The following DCTN1 variants were observed in gnomAD, a reference collection of about 807,000 sequenced individuals.
DCTN1 encodes the protein 150 kDa dynein-associated polypeptide.
A neutral mutation model predicts 161.2 loss-of-function variants in DCTN1; 61 were observed. The ratio of observed to expected loss-of-function variants is 0.38; its 90% CI spans 0.31 to 0.47. DCTN1 has a LOEUF of 0.47. DCTN1 is among the 20% of genes least tolerant of loss of function. The pLI is 0.99. For synonymous variants in DCTN1, 653 were observed against 632.4 expected (o/e 1.03, Z -0.49); for missense variants, 1,404 against 1,623.7 (o/e 0.86, Z 2.33).
chr2:74,363,512 TC>T, intron 27 of DCTN1, 85 bp from the exon 28 acceptor site: 4 of 1,596,764 alleles, frequency 2.5e-6, no homozygotes, highest in East Asian at 2.2e-5. Context: ...CCTTTCCTCA[TC>T]CCCCCATCAC....
At chr2:74,391,753 G>A (rs1213894406) in intron 1 of DCTN1, 1 of 452,788 alleles carries the variant, frequency 2.2e-6, no homozygotes, top group Non-Finnish European at 4.4e-6. Flanking sequence ...ACACGTAGGG[G>A]GCCGGCGGAG....
Position 74,361,644 on chromosome 2 carries a change from T to C in DCTN1, c.3700-8A>G. On this transcript the variant is annotated splice_polypyrimidine_tract_variant and splice_region_variant and intron_variant, in intron 31 of 31. Transcript: ENST00000628224. ...CTGCTGCTCCTCCTTGGCCTGGTGGTTGATGAGGAGAAAAAGACTCCAGGT... is the reference window on the plus strand; with the variant it reads ...CTGCTGCTCCTCCTTGGCCTGGTGGCTGATGAGGAGAAAAAGACTCCAGGT... 1.2e-6 allele frequency: 2 copies of C among 1,614,004 alleles called. No individual in the cohort carries two copies. The highest frequency in any genetic ancestry group is 1.7e-6 in the Non-Finnish European group (2 of 1,179,992).
At chr2:74,362,207 G>C in intron 30 of DCTN1, 66 bp from the exon 31 acceptor site, 1 of 1,473,084 alleles carries the variant, frequency 6.8e-7, no homozygotes. Flanking sequence ...ACAAGACCAC[G>C]TGGTTTCACA....
At position 74,367,733 on chromosome 2, in the gene DCTN1, T is replaced by G. The variant is rs767075039; in HGVS notation, c.2147A>C (p.Asn716Thr). 6.2e-6 allele frequency: 10 copies of G among 1,614,188 alleles called. No homozygotes were observed. The highest frequency in any genetic ancestry group is 7.6e-6 in the Non-Finnish European group (9 of 1,180,042). The change falls in exon 18 of 32, where the codon AAT becomes ACT. Residue 716 changes from asparagine to threonine, a missense_variant. Physicochemically the swap from Asn to Thr is moderately conservative, Grantham distance 65 (BLOSUM62 0). Coordinates refer to ENST00000628224, the MANE Select transcript of DCTN1 (RefSeq NM_004082.5). ...LHKDQLDETV[N>T]VEPLTKAIKY... The stretch of plus-strand genomic sequence containing the variant: ...GATGGCCTTGGTGAGAGGCTCCACA[T>G]TGACAGTCTCATCCAGCTGATCCTT...
At chr2:74,378,729 T>C (rs2103727274) in intron 1 of DCTN1, among the ~76,000 whole-genome samples, 1 of 152,296 alleles carries the variant, frequency 6.6e-6, no homozygotes, top group South Asian at 2.1e-4. Context: ...CCTCTGTGTT[T>C]CAAATGGTTT....
intron 6 of DCTN1, among the ~76,000 whole-genome samples, chr2:74,373,997 C>T (rs1675059851): frequency 6.6e-6 from 1 of 152,226 alleles, no homozygotes; most frequent in South Asian, 2.1e-4. Flanking sequence ...CACTGAGATA[C>T]CTGGGCCTGC....
At chr2:74,363,238 T>C in intron 28 of DCTN1, 56 bp downstream of exon 28, 1 of 1,614,064 alleles carries the variant, frequency 6.2e-7, no homozygotes, top group Non-Finnish European at 8.5e-7. Context: ...TCATCTATCA[T>C]CAATGGGGCA....
At chr2:74,365,054 T>A (rs1674299102) in intron 26 of DCTN1, 21 bp downstream of exon 26, 1 of 1,612,726 alleles carries the variant, frequency 6.2e-7, no homozygotes, top group African/African-American at 1.3e-5. Flanking sequence ...GTGCTAGTGC[T>A]GCCTATTCCA....
chr2:74,365,334 G>A, intron 25 of DCTN1, 93 bp from the exon 26 acceptor site: 1 of 1,572,324 alleles, frequency 6.4e-7, no homozygotes, highest in South Asian at 1.1e-5. Flanking sequence ...AGCCCTGCCA[G>A]TGAGAAGCCA....
intron 6 of DCTN1, 88 bp from the exon 7 acceptor site, chr2:74,373,036 G>C: frequency 7.9e-7 from 1 of 1,266,434 alleles, no homozygotes. Flanking sequence ...ACAGCAATGA[G>C]AGCAGAAGAA....
chr2:74,363,547 C>T (rs1674180530), intron 27 of DCTN1, 67 bp downstream of exon 27: 3 of 1,602,466 alleles, frequency 1.9e-6, no homozygotes, highest in Admixed American at 1.7e-5. Flanking sequence ...TGGCTTCCCC[C>T]TCCACCCTGC....
At chr2:74,362,949 T>C (rs747005885) in intron 29 of DCTN1, 45 bp downstream of exon 29, 1 of 1,596,436 alleles carries the variant, frequency 6.3e-7, no homozygotes, top group Admixed American at 1.7e-5. Context: ...CTGGGCCAAG[T>C]GGAGGGGGCA....
Position 74,367,757 on chromosome 2 carries a change from T to C in DCTN1, c.2123A>G (p.Lys708Arg), listed in dbSNP as rs1674530327. Residue 708 changes from lysine to arginine, a missense_variant, in exon 18 of 32, where the codon AAG becomes AGG. Physicochemically the swap from Lys to Arg is conservative, Grantham distance 26 (BLOSUM62 2). Coordinates refer to ENST00000628224, the MANE Select transcript of DCTN1 (RefSeq NM_004082.5). ...ATTGACAGTCTCATCCAGCTGATCC[T>C]TGTGCAGCAGTTCAATGAGGAAATC... The part of the protein sequence containing the change: ...SLDFLIELLH[K>R]DQLDETVNVE... 6.2e-7 allele frequency: 1 copy of C among 1,614,198 alleles called. No individual in the cohort carries two copies. Among genetic ancestry groups the C allele is most frequent in the South Asian group, 1.1e-5 (1 of 91,088 alleles).
chr2:74,370,229 T>C lies in DCTN1; in HGVS notation c.1244A>G (p.Glu415Gly), dbSNP rs780872740. 6.2e-7 allele frequency: 1 copy of C among 1,613,968 alleles called. No homozygotes were observed. Among genetic ancestry groups the C allele is most frequent in the South Asian group, 1.1e-5 (1 of 91,084 alleles). ...VRQQRERLQE[E>G]LSQAESTIDE... is the part of the protein sequence containing the mutation. Reference sequence around the variant, plus strand: ...AATGGTGCTCTCTGCCTGGCTTAGCTCCTCCTGCAGACGCTCCCGCTGTTG... The same window carrying C: ...AATGGTGCTCTCTGCCTGGCTTAGCCCCTCCTGCAGACGCTCCCGCTGTTG... The change falls in exon 12 of 32, where the codon GAG becomes GGG. Residue 415 changes from glutamate (E) to glycine (G), a missense_variant. This residue lies in a region of DCTN1 where 278 missense variants were observed against 363.8 expected (regional missense o/e 0.76). Transcript: ENST00000628224. This position sits in a 1 kb window ranked among gnomAD's most constrained non-coding sequence, Gnocchi z 4.4.
intron 5 of DCTN1, among the ~76,000 whole-genome samples, chr2:74,375,843 T>G (rs1675190148): frequency 6.6e-6 from 1 of 152,150 alleles, no homozygotes; most frequent in Non-Finnish European, 1.5e-5. Context: ...GGTTTCCCCC[T>G]GGAAAAGGAG....
At chr2:74,363,579 C>A in intron 27 of DCTN1, 35 bp downstream of exon 27, 1 of 1,612,380 alleles carries the variant, frequency 6.2e-7, no homozygotes, top group Non-Finnish European at 8.5e-7. Flanking sequence ...CAACTCCCAC[C>A]AGCCTGGTAA....
intron 5 of DCTN1, among the ~76,000 whole-genome samples, chr2:74,376,291 G>C (rs920693857): frequency 6.6e-6 from 1 of 152,114 alleles, no homozygotes; most frequent in South Asian, 2.1e-4. Flanking sequence ...TTCCAACTTG[G>C]GACTGTTCTT....
At chr2:74,377,873 C>A (rs528967206) in intron 2 of DCTN1, 127 bp downstream of exon 2, 7 of 1,478,000 alleles carry the variant, frequency 4.7e-6, no homozygotes, top group South Asian at 3.5e-5. Flanking sequence ...TTCCCTCCCC[C>A]ACTACCTTCC....
chr2:74,368,875 A>G lies in DCTN1; in HGVS notation c.1707T>C (p.Ile569=), dbSNP rs765410716. 1.1e-5 allele frequency: 18 copies of G among 1,613,228 alleles called. No homozygotes were observed. The highest frequency in any genetic ancestry group is 1.4e-5 in the Non-Finnish European group (17 of 1,179,228). The change falls in exon 16 of 32, where the codon ATT becomes ATC. Residue 569 remains isoleucine (I), a synonymous_variant. Coordinates refer to ENST00000628224, the MANE Select transcript of DCTN1 (RefSeq NM_004082.5). ...CCTCCATCTGCCTCAATTCCATCTC[A>G]ATTGCCTGTGAGGTGAACAGGGAGG... The part of the protein sequence containing the change: ...FAETKAHAKA[I]EMELRQMEVA...
Sources: allele counts gnomAD v4.1 joint callset (sites outside exome capture counted in the v4.1 genomes callset), GRCh38; gene constraint gnomAD v4.1.1; regional missense constraint gnomAD v4.1.1; non-coding constraint Gnocchi (gnomAD v3.1); transcripts MANE v1.5; gene names NCBI Gene and HGNC (gene_info 2026-07-23, HGNC 2026-07-21).